ARPC1A: variants seen among roughly 807,000 people sequenced by gnomAD.
ARPC1A encodes actin-related protein 2/3 complex subunit 1A.
ARPC1A carries 8 observed loss-of-function variants against 46.9 expected under a neutral mutation model. That is an observed-to-expected ratio of 0.17 (90% CI 0.10 to 0.31). ARPC1A has a LOEUF of 0.31. Ranked by LOEUF, ARPC1A falls within the 10% of genes least tolerant of loss-of-function variation. ARPC1A has a pLI of 1.00. For synonymous variants in ARPC1A, 152 were observed against 169.0 expected (o/e 0.90, Z 0.78); for missense variants, 286 against 483.6 (o/e 0.59, Z 3.83).
At chr7:99,349,581 G>A (rs59725656) in intron 5 of ARPC1A, among the ~76,000 whole-genome samples, 18,389 of 151,916 alleles carry the variant, frequency 0.12, 1,541 homozygotes, top group East Asian at 0.35. Flanking sequence ...GCTCACGCCC[G>A]TAATCCCAGC....
intron 8 of ARPC1A, among the ~76,000 whole-genome samples, chr7:99,361,032 C>T (rs1793731518): frequency 6.6e-6 from 1 of 151,518 alleles, no homozygotes; most frequent in African/African-American, 2.4e-5. Context: ...TGGGATTTTC[C>T]CTTACTGAGA....
intron 3 of ARPC1A, chr7:99,339,987 T>C: frequency 2.2e-6 from 1 of 456,250 alleles, no homozygotes; most frequent in Non-Finnish European, 4.4e-6. Context: ...GAAGAATGCA[T>C]GAAAGGTTCA....
At chr7:99,365,139 C>T (rs1217892302) in intron 9 of ARPC1A, among the ~76,000 whole-genome samples, 1 of 152,118 alleles carries the variant, frequency 6.6e-6, no homozygotes, top group Non-Finnish European at 1.5e-5. Context: ...TCCGGAAGCA[C>T]AGATGGAGCT....
intron 1 of ARPC1A, among the ~76,000 whole-genome samples, chr7:99,329,748 T>G (rs1226792465): frequency 6.6e-6 from 1 of 152,224 alleles, no homozygotes; most frequent in Non-Finnish European, 1.5e-5. Flanking sequence ...GCTACATTGC[T>G]TATAAAACAC....
chr7:99,349,111 C>T, intron 5 of ARPC1A, 152 bp downstream of exon 5: 1 of 733,568 alleles, frequency 1.4e-6, no homozygotes, highest in South Asian at 1.8e-5. Flanking sequence ...AGTGCAGTGG[C>T]ACCATCATAG....
At chr7:99,334,869 A>G (rs544257487) in intron 2 of ARPC1A, among the ~76,000 whole-genome samples, 10 of 151,718 alleles carry the variant, frequency 6.6e-5, no homozygotes, top group Admixed American at 4.6e-4. Flanking sequence ...TTTGAGACGC[A>G]GTCTCGCTCT....
chr7:99,338,979 C>G (rs1014350024), intron 3 of ARPC1A, among the ~76,000 whole-genome samples: 2 of 152,120 alleles, frequency 1.3e-5, no homozygotes, highest in African/African-American at 4.8e-5. Flanking sequence ...GGAAGACTTT[C>G]CAGAATATTG....
chr7:99,339,270 A>G (rs1210848464), intron 3 of ARPC1A, among the ~76,000 whole-genome samples: 1 of 152,192 alleles, frequency 6.6e-6, no homozygotes, highest in Non-Finnish European at 1.5e-5. Context: ...AGCTTAGGCC[A>G]AGCACAGTGG....
chr7:99,354,611 GCTGTGGGCAGATCACCTGAGGT>G (rs1263761984), intron 6 of ARPC1A, among the ~76,000 whole-genome samples: 4 of 151,760 alleles, frequency 2.6e-5, no homozygotes, highest in Non-Finnish European at 4.4e-5. Context: ...ACTTTGAGAG[GCTGTGGGCAGATCACCTGAGGT>G]CAAGAGTTCA....
intron 4 of ARPC1A, 103 bp from the exon 5 acceptor site, chr7:99,348,749 G>T: frequency 1.5e-6 from 1 of 681,418 alleles, no homozygotes; most frequent in Non-Finnish European, 2.3e-6. Flanking sequence ...TTAAATTAAG[G>T]AAAAGTGTGG....
rs541210311 is a variant in ARPC1A at position 99,337,139 on chromosome 7, C to G, written c.65-1042C>G. ...ATTTGAGCACTGAAAATTTGAAATC[C>G]AGCTGAGCCTGGTGGCTCATGCTGG... On this transcript the variant is annotated intron_variant, in intron 2 of 9. Transcript: ENST00000262942. Among the ~76,000 whole-genome samples, 5 of 151,776 alleles carry G rather than the reference C, an allele frequency of 3.3e-5. No homozygotes were observed. In the South Asian group the frequency reaches 1.0e-3, roughly 32 times the overall value.
intron 2 of ARPC1A, among the ~76,000 whole-genome samples, chr7:99,335,916 C>G (rs1046964309): frequency 6.6e-6 from 1 of 151,506 alleles, no homozygotes; most frequent in Non-Finnish European, 1.5e-5. Flanking sequence ...ATTGTGCCAC[C>G]GCACTCCAGC....
chr7:99,362,296 T>C (rs1793756939), intron 8 of ARPC1A, among the ~76,000 whole-genome samples: 1 of 146,722 alleles, frequency 6.8e-6, no homozygotes, highest in Non-Finnish European at 1.5e-5. Context: ...TCCATCTCAA[T>C]AAATAAATAA....
At chr7:99,335,938 A>G (rs1793243883) in intron 2 of ARPC1A, among the ~76,000 whole-genome samples, 1 of 151,040 alleles carries the variant, frequency 6.6e-6, no homozygotes, top group Non-Finnish European at 1.5e-5. Flanking sequence ...TTGGCAACAG[A>G]GTGAGACTCA....
At chr7:99,357,365 T>A (rs577748218) in intron 6 of ARPC1A, among the ~76,000 whole-genome samples, 7 of 152,300 alleles carry the variant, frequency 4.6e-5, no homozygotes, top group East Asian at 1.9e-4. Flanking sequence ...AGCTTTTTTT[T>A]ATTTTTTAAT....
At chr7:99,339,992 G>T (rs1301301783) in intron 3 of ARPC1A, 2 of 456,064 alleles carry the variant, frequency 4.4e-6, no homozygotes, top group East Asian at 1.4e-4. Context: ...ATGCATGAAA[G>T]GTTCATCCAT....
intron 5 of ARPC1A, among the ~76,000 whole-genome samples, chr7:99,349,606 A>C (rs2150868418): frequency 6.6e-6 from 1 of 152,052 alleles, no homozygotes; most frequent in Middle Eastern, 3.4e-3. Flanking sequence ...TGGGAGGCTG[A>C]GGTGGGCGGA....
chr7:99,338,122 C>A, intron 2 of ARPC1A, 59 bp from the exon 3 acceptor site: 3 of 1,286,724 alleles, frequency 2.3e-6, no homozygotes, highest in Non-Finnish European at 3.3e-6. Context: ...GTGACATGTC[C>A]CCTTTTTGGT....
intron 3 of ARPC1A, among the ~76,000 whole-genome samples, chr7:99,341,046 C>T (rs1357309134): frequency 6.6e-6 from 1 of 152,182 alleles, no homozygotes; most frequent in Non-Finnish European, 1.5e-5. Flanking sequence ...CGGTGGCTCA[C>T]ACCTGTAATC....
Sources: gnomAD v4.1 joint callset for allele counts (sites outside exome capture counted in the v4.1 genomes callset) on GRCh38, gnomAD v4.1.1 for gene constraint, MANE v1.5 for transcripts, NCBI Gene and HGNC (gene_info 2026-07-23, HGNC 2026-07-21) for gene names.